The following MBOAT1 variants were observed in gnomAD, a reference collection of about 807,000 sequenced individuals.
MBOAT1 encodes the protein membrane-bound glycerophospholipid O-acyltransferase 1.
A neutral mutation model predicts 64.4 loss-of-function variants in MBOAT1; 67 were observed. The ratio of observed to expected loss-of-function variants is 1.04; its 90% CI spans 0.85 to 1.27. MBOAT1 has a LOEUF of 1.27. Among genes scored for constraint, MBOAT1 ranks in the 50% most tolerant of loss-of-function variants. MBOAT1 has a pLI of 0.00. For synonymous variants in MBOAT1, 229 were observed against 218.9 expected (o/e 1.05, Z -0.41); for missense variants, 563 against 604.6 (o/e 0.93, Z 0.72).
At chr6:20,208,769 C>T (rs1252088575) in intron 1 of MBOAT1, among the ~76,000 whole-genome samples, 1 of 152,080 alleles carries the variant, frequency 6.6e-6, no homozygotes, top group African/African-American at 2.4e-5. Flanking sequence ...AGTTTGGGGG[C>T]ACCATCAGGT....
At chr6:20,102,515 T>TTTTAA in intron 12 of MBOAT1, 103 bp from the exon 13 acceptor site, 3 of 978,928 alleles carry the variant, frequency 3.1e-6, no homozygotes, top group East Asian at 2.8e-5. Context: ...AGCACCGCTT[T>TTTTAA]TGGCAGTAGG....
chr6:20,113,638 A>G (rs1760237585), intron 10 of MBOAT1, among the ~76,000 whole-genome samples: 1 of 152,062 alleles, frequency 6.6e-6, no homozygotes. Flanking sequence ...TACTGTGACA[A>G]TCTAGCAAAT....
intron 4 of MBOAT1, among the ~76,000 whole-genome samples, chr6:20,140,743 C>A (rs868470640): frequency 2.6e-5 from 4 of 152,162 alleles, no homozygotes; most frequent in Non-Finnish European, 5.9e-5. Context: ...TCTTGGCCTC[C>A]ATAATCACAT....
At chr6:20,150,742 T>G (rs542289332) in intron 3 of MBOAT1, among the ~76,000 whole-genome samples, 22 of 88,606 alleles carry the variant, frequency 2.5e-4, no homozygotes, top group African/African-American at 4.7e-4. Context: ...TTTTTTTGGG[T>G]TTTTTTTTTT....
chr6:20,189,849 C>T (rs1762755746), intron 1 of MBOAT1, among the ~76,000 whole-genome samples: 2 of 152,234 alleles, frequency 1.3e-5, no homozygotes, highest in South Asian at 4.1e-4. Context: ...CCATGTTGTA[C>T]TAAAGGGCAG....
At chr6:20,182,037 T>C (rs989960967) in intron 1 of MBOAT1, among the ~76,000 whole-genome samples, 1 of 152,204 alleles carries the variant, frequency 6.6e-6, no homozygotes, top group African/African-American at 2.4e-5. Flanking sequence ...CTGGATAAAT[T>C]GCTCAAATTC....
intron 8 of MBOAT1, among the ~76,000 whole-genome samples, chr6:20,120,077 C>T (rs1760451954): frequency 1.3e-5 from 2 of 151,370 alleles, no homozygotes; most frequent in Admixed American, 1.3e-4. Context: ...ACAGGCAGTT[C>T]CTCATTTAAT....
intron 7 of MBOAT1, among the ~76,000 whole-genome samples, chr6:20,125,180 CAG>C (rs1386531292): frequency 6.6e-6 from 1 of 152,180 alleles, no homozygotes; most frequent in Non-Finnish European, 1.5e-5. Flanking sequence ...TTCCTCTGGA[CAG>C]AGTGATTTTG....
intron 4 of MBOAT1, among the ~76,000 whole-genome samples, chr6:20,134,228 C>T (rs1760913247): frequency 1.3e-5 from 2 of 152,196 alleles, no homozygotes; most frequent in Non-Finnish European, 2.9e-5. Context: ...AACTTGGCAT[C>T]TGCTTTTCAG....
intron 1 of MBOAT1, among the ~76,000 whole-genome samples, chr6:20,156,120 A>C (rs1761672536): frequency 6.6e-6 from 1 of 151,752 alleles, no homozygotes; most frequent in Admixed American, 6.6e-5. Flanking sequence ...AAATACAAAA[A>C]ATTAGCCGGG....
At chr6:20,102,826 G>A (rs1418844401) in intron 12 of MBOAT1, among the ~76,000 whole-genome samples, 1 of 152,142 alleles carries the variant, frequency 6.6e-6, no homozygotes, top group Non-Finnish European at 1.5e-5. Context: ...TAATGATGAT[G>A]GCCCCATAAG....
intron 1 of MBOAT1, among the ~76,000 whole-genome samples, chr6:20,188,549 C>T (rs1035244928): frequency 2.0e-5 from 3 of 152,098 alleles, no homozygotes; most frequent in Non-Finnish European, 2.9e-5. Flanking sequence ...GAAGAAAGCT[C>T]TCTGCCGCAG....
intron 1 of MBOAT1, among the ~76,000 whole-genome samples, chr6:20,167,269 TA>T (rs1442446157): frequency 2.0e-5 from 3 of 152,250 alleles, no homozygotes; most frequent in African/African-American, 7.2e-5. Flanking sequence ...TATATGTCTA[TA>T]AGATAAATTC....
chr6:20,199,131 A>C (rs1309133755), intron 1 of MBOAT1, among the ~76,000 whole-genome samples: 1 of 152,132 alleles, frequency 6.6e-6, no homozygotes, highest in Non-Finnish European at 1.5e-5. Flanking sequence ...TTCTGTCCAT[A>C]AATCTTCCAC....
intron 1 of MBOAT1, among the ~76,000 whole-genome samples, chr6:20,154,081 CTGA>C (rs1317871216): frequency 1.3e-5 from 2 of 152,214 alleles, no homozygotes; most frequent in African/African-American, 4.8e-5. Context: ...TAAACTGCTG[CTGA>C]TAACAAAACT....
rs567854221 is a variant in MBOAT1, at chr6:20,197,524, T to C, written c.99+14612A>G. On this transcript the variant is annotated intron_variant, in intron 1 of 12. Coordinates refer to ENST00000324607, the MANE Select transcript of MBOAT1 (RefSeq NM_001080480.3). ...CTAAGCCAGACTAAGCAAAAGTGAC[T>C]GTTCCTCTATGCTCCCCTCACATGT... is the stretch of plus-strand genomic sequence containing the variant. 7.9e-5 allele frequency among the ~76,000 whole-genome samples: 12 copies of C among 152,288 alleles called. No homozygotes were observed. The South Asian group carries it at 2.5e-3, about 32-fold the overall frequency.
At position 20,099,865 on chromosome 6, in the gene MBOAT1, A is replaced by G. The variant is rs1759743667; in HGVS notation, c.*2421T>C. ...TGGTCCTCAGTTGAAATCTTTTTCT[A>G]TGGGTAAGTGGTTTTCAGAAGAAAA... On this transcript the variant is annotated 3_prime_UTR_variant, in exon 13 of 13. Transcript: ENST00000324607. Among the ~76,000 whole-genome samples, 1 of 152,190 alleles carries G rather than the reference A, an allele frequency of 6.6e-6. No individual in the cohort carries two copies. The highest frequency in any genetic ancestry group is 1.5e-5 in the Non-Finnish European group (1 of 68,028).
intron 12 of MBOAT1, among the ~76,000 whole-genome samples, chr6:20,105,920 A>G (rs1476142244): frequency 6.6e-6 from 1 of 152,250 alleles, no homozygotes; most frequent in Non-Finnish European, 1.5e-5. Flanking sequence ...AATATATTTA[A>G]GTATTCACTT....
Position 20,102,254 on chromosome 6 carries a change from C to A in MBOAT1, c.*32G>T. 6.2e-7 allele frequency: 1 copy of A among 1,602,200 alleles called. No individual in the cohort carries two copies. The highest frequency in any genetic ancestry group is 8.5e-7 in the Non-Finnish European group (1 of 1,174,012). On this transcript the variant is annotated 3_prime_UTR_variant, in exon 13 of 13. Coordinates refer to ENST00000324607, the MANE Select transcript of MBOAT1 (RefSeq NM_001080480.3). Reference sequence around the variant, plus strand: ...GTCATCTCATCTTTCGAACGTTCTGCAGTTTTGCTTGTTCCGCTTCTCTTG... The same window carrying A: ...GTCATCTCATCTTTCGAACGTTCTGAAGTTTTGCTTGTTCCGCTTCTCTTG...
Sources: gnomAD v4.1 joint callset for allele counts (sites outside exome capture counted in the v4.1 genomes callset) on GRCh38, gnomAD v4.1.1 for gene constraint, MANE v1.5 for transcripts, NCBI Gene and HGNC (gene_info 2026-07-23, HGNC 2026-07-21) for gene names.